Variants in FIBCD1 observed in about 807,000 individuals in gnomAD.
FIBCD1 encodes fibrinogen C domain containing 1.
Under a neutral mutation model 45.1 loss-of-function variants are expected in FIBCD1, and 47 were observed. That is an observed-to-expected ratio of 1.04 (90% confidence interval 0.82 to 1.33). The LOEUF is 1.33. FIBCD1 is among the 40% of genes most tolerant of loss of function. The pLI is 0.00. For synonymous variants in FIBCD1, 313 were observed against 308.1 expected (o/e 1.02, Z -0.17); for missense variants, 653 against 682.2 (o/e 0.96, Z 0.48).
chr9:130,938,297 C>T, intron 1 of FIBCD1: 1 of 416,156 alleles, frequency 2.4e-6, no homozygotes, highest in East Asian at 4.0e-5. Flanking sequence ...TGCGGGGACG[C>T]GGGAGACCTG....
At chr9:130,924,100 G>A in intron 3 of FIBCD1, 137 bp downstream of exon 3, 1 of 1,303,996 alleles carries the variant, frequency 7.7e-7, no homozygotes, top group Non-Finnish European at 1.0e-6. Context: ...AATGGACCGA[G>A]AGGGCTTCAG....
intron 4 of FIBCD1, among the ~76,000 whole-genome samples, chr9:130,915,992 C>T (rs1177634451): frequency 1.3e-5 from 2 of 152,206 alleles, no homozygotes; most frequent in Non-Finnish European, 1.5e-5. Context: ...TGCGGTGGCA[C>T]GATCTCAGCT....
chr9:130,911,776 T>A lies in FIBCD1; in HGVS notation c.946+16A>T. 6.3e-7 allele frequency: 1 copy of A among 1,585,928 alleles called. No homozygotes were observed. Among genetic ancestry groups the A allele is most frequent in the South Asian group, 1.1e-5 (1 of 87,072 alleles). On this transcript the variant is annotated intron_variant, in intron 5 of 6. Coordinates refer to ENST00000372338, the MANE Select transcript of FIBCD1 (RefSeq NM_032843.5). ...GAGGAGGCCCACCTGGGCCGGATGG[T>A]GGGTGGGGTGCTCACCTAGCCAGTG...
chr9:130,930,030 T>C lies in FIBCD1; in HGVS notation c.89A>G (p.Tyr30Cys), dbSNP rs1424424089. 6.6e-7 allele frequency: 1 copy of C among 1,504,742 alleles called. No individual in the cohort carries two copies. Among genetic ancestry groups the C allele is most frequent in the Non-Finnish European group, 8.9e-7 (1 of 1,128,540 alleles). The allele number at this position is 1,504,742 out of a possible 1,614,324, so 93.2% of individuals were successfully genotyped here. Reference protein sequence around the residue: ...RDKPQRPSCGYVLCTVLLALA... With the variant: ...RDKPQRPSCGCVLCTVLLALA... ...GGCCAGCAGCACGGTGCACAGCACG[T>C]AGCCGCAGCTCGGCCGCTGCAGGCC... is the stretch of plus-strand genomic sequence containing the variant. The change falls in exon 2 of 7, where the codon TAC (tyrosine) becomes TGC (cysteine). Residue 30 changes from tyrosine to cysteine, a missense_variant. Physicochemically the swap from Tyr to Cys is radical, Grantham distance 194. Coordinates refer to ENST00000372338, the MANE Select transcript of FIBCD1 (RefSeq NM_032843.5).
In FIBCD1 at chr9:130,926,034, G is replaced by C. The variant is rs946711105; in HGVS notation, c.553-1638C>G. Among the ~76,000 whole-genome samples, 4 of 152,320 alleles carry C rather than the reference G, an allele frequency of 2.6e-5. No individual in the cohort carries two copies. Among genetic ancestry groups the C allele is most frequent in the Admixed American group, 2.0e-4 (3 of 15,306 alleles). On this transcript the variant is annotated intron_variant, in intron 2 of 6. Coordinates refer to ENST00000372338, the MANE Select transcript of FIBCD1 (RefSeq NM_032843.5). The surrounding 1 kb of genome is among the most constrained non-coding windows in gnomAD (Gnocchi z 4.1). ...GCCAGGGGAGAGAGGAGCAGAGATG[G>C]GCAGGCAGGGCGTTTGGGTTTCACG... is the stretch of plus-strand genomic sequence containing the variant.
intron 5 of FIBCD1, among the ~76,000 whole-genome samples, chr9:130,910,576 G>A (rs1428035973): frequency 6.6e-6 from 1 of 152,276 alleles, no homozygotes; most frequent in Non-Finnish European, 1.5e-5. Context: ...GGTGAAGCTA[G>A]CTGGGCTCCT....
intron 4 of FIBCD1, among the ~76,000 whole-genome samples, chr9:130,923,099 G>A (rs1832289909): frequency 6.6e-6 from 1 of 152,342 alleles, no homozygotes; most frequent in East Asian, 1.9e-4. Flanking sequence ...CAACTGAAAT[G>A]AAATGTGAAG....
intron 5 of FIBCD1, among the ~76,000 whole-genome samples, chr9:130,907,955 A>T (rs1414392563): frequency 1.3e-5 from 2 of 148,646 alleles, no homozygotes; most frequent in African/African-American, 4.9e-5. Flanking sequence ...GAGGAGACTT[A>T]AAAAAAAAAT....
At position 130,903,504 on chromosome 9, in the gene FIBCD1, C is replaced by G. The variant is rs1831870897; in HGVS notation, c.*560G>C. On this transcript the variant is annotated 3_prime_UTR_variant, in exon 7 of 7. Coordinates refer to ENST00000372338, the MANE Select transcript of FIBCD1 (RefSeq NM_032843.5). ...CAGGGCCTGGTAGGATGGGGCCACCCAGCCCACAGCCAGGCTGAGGCCCTT... is the reference window on the plus strand; with the variant it reads ...CAGGGCCTGGTAGGATGGGGCCACCGAGCCCACAGCCAGGCTGAGGCCCTT... 5.3e-6 allele frequency: 1 copy of G among 187,262 alleles called. No homozygotes were observed. Among genetic ancestry groups the G allele is most frequent in the South Asian group, 1.3e-4 (1 of 7,820 alleles). 11.6% of individuals were successfully genotyped at this position (187,262 alleles called of 1,614,324 possible). A position where few individuals can be genotyped will look rare whatever the true frequency, so the allele number is the denominator to read the frequency against.
chr9:130,932,994 G>A (rs1336900954), intron 1 of FIBCD1, among the ~76,000 whole-genome samples: 5 of 152,076 alleles, frequency 3.3e-5, no homozygotes, highest in African/African-American at 7.2e-5. Context: ...GAGGTCATCC[G>A]TCTCCCCTCT....
Position 130,904,163 on chromosome 9 carries a change from G to A in FIBCD1, c.1287C>T (p.Ala429=). ...ACCACTCCACGCCGTCGGCATAGGAGGCGTGCGCACCGCGCAGGTACTGCC... is the reference window on the plus strand; with the variant it reads ...ACCACTCCACGCCGTCGGCATAGGAAGCGTGCGCACCGCGCAGGTACTGCC... ...LNGQYLRGAH[A]SYADGVEWSS... is the part of the protein sequence containing the mutation. Residue 429 remains alanine (A), a synonymous_variant, in exon 7 of 7, where the codon GCC becomes GCT. Transcript: ENST00000372338. 6.2e-7 allele frequency: 1 copy of A among 1,613,672 alleles called. No homozygotes were observed. Among genetic ancestry groups the A allele is most frequent in the Non-Finnish European group, 8.5e-7 (1 of 1,179,982 alleles).
At chr9:130,929,153 G>C (rs551801180) in intron 2 of FIBCD1, among the ~76,000 whole-genome samples, 19 of 152,250 alleles carry the variant, frequency 1.2e-4, no homozygotes, top group African/African-American at 4.3e-4. Context: ...GTGCGGCTCT[G>C]AGGGGGTAGC....
intron 4 of FIBCD1, among the ~76,000 whole-genome samples, chr9:130,913,772 C>T (rs574075247): frequency 7.2e-5 from 11 of 152,266 alleles, no homozygotes; most frequent in East Asian, 5.8e-4. Flanking sequence ...GAGAAGGCAG[C>T]GGGCAGTAGG....
At chr9:130,928,824 A>C (rs902912063) in intron 2 of FIBCD1, among the ~76,000 whole-genome samples, 1 of 151,916 alleles carries the variant, frequency 6.6e-6, no homozygotes, top group Non-Finnish European at 1.5e-5. Flanking sequence ...AAAAATCACC[A>C]CCCATTTCTA....
chr9:130,929,160 T>C (rs534156138), intron 2 of FIBCD1, among the ~76,000 whole-genome samples: 1 of 151,922 alleles, frequency 6.6e-6, no homozygotes, highest in Admixed American at 6.6e-5. Flanking sequence ...TCTGAGGGGG[T>C]AGCACTGATC....
intron 2 of FIBCD1, among the ~76,000 whole-genome samples, chr9:130,928,226 C>A (rs1246364677): frequency 6.6e-6 from 1 of 152,186 alleles, no homozygotes; most frequent in East Asian, 1.9e-4. Flanking sequence ...CCCAGAAAGG[C>A]TGTTAGTCTT....
At chr9:130,917,316 G>A (rs765251042) in intron 4 of FIBCD1, among the ~76,000 whole-genome samples, 3 of 152,308 alleles carry the variant, frequency 2.0e-5, no homozygotes, top group East Asian at 3.9e-4. Context: ...TTCTTGGTGC[G>A]GATTCTCAGA....
At chr9:130,927,921 A>G (rs2133114464) in intron 2 of FIBCD1, among the ~76,000 whole-genome samples, 1 of 152,270 alleles carries the variant, frequency 6.6e-6, no homozygotes, top group Admixed American at 6.5e-5. Flanking sequence ...TCGGCTTCCC[A>G]AAGTGCTGGG....
chr9:130,937,461 A>AC (rs1328020971), intron 1 of FIBCD1, among the ~76,000 whole-genome samples: 2 of 152,118 alleles, frequency 1.3e-5, no homozygotes, highest in Non-Finnish European at 2.9e-5. Flanking sequence ...GGCTTTGCAA[A>AC]CCGCAGAGGG....
Sources: gnomAD v4.1 joint callset for allele counts (sites outside exome capture counted in the v4.1 genomes callset) on GRCh38, gnomAD v4.1.1 for gene constraint, Gnocchi (gnomAD v3.1) non-coding constraint, MANE v1.5 for transcripts, NCBI Gene and HGNC (gene_info 2026-07-23, HGNC 2026-07-21) for gene names.